CDH13: variants seen among roughly 807,000 people sequenced by gnomAD.
CDH13 encodes cadherin-13.
In CDH13, 24 loss-of-function variants were observed where a neutral mutation model predicts 63.8. The ratio of observed to expected loss-of-function variants is 0.38; its 90% CI spans 0.27 to 0.53. The LOEUF (loss-of-function observed/expected upper bound fraction) is 0.53. Ranked by LOEUF, CDH13 falls within the 20% of genes least tolerant of loss-of-function variation. CDH13 has a pLI of 0.85. For synonymous variants in CDH13, 503 were observed against 355.3 expected (o/e 1.42, Z -4.67); for missense variants, 1,049 against 903.1 (o/e 1.16, Z -2.07).
At chr16:83,619,359 G>A (rs559252447) in intron 8 of CDH13, among the ~76,000 whole-genome samples, 11 of 152,336 alleles carry the variant, frequency 7.2e-5, no homozygotes, top group Admixed American at 1.3e-4. Flanking sequence ...GGGGGACTGC[G>A]AGGGCACTTG....
At chr16:83,299,550 C>T (rs1254449665) in intron 5 of CDH13, among the ~76,000 whole-genome samples, 1 of 152,170 alleles carries the variant, frequency 6.6e-6, no homozygotes, top group East Asian at 1.9e-4. Flanking sequence ...CTCGATTATT[C>T]TTTGTTCATT....
At chr16:83,249,067 T>C (rs1313204630) in intron 5 of CDH13, among the ~76,000 whole-genome samples, 2 of 152,220 alleles carry the variant, frequency 1.3e-5, no homozygotes, top group Non-Finnish European at 2.9e-5. Flanking sequence ...CAGAAATAAC[T>C]TTGAGTAGAG....
intron 11 of CDH13, among the ~76,000 whole-genome samples, chr16:83,756,220 A>G (rs1420267488): frequency 6.6e-6 from 1 of 152,226 alleles, no homozygotes; most frequent in Non-Finnish European, 1.5e-5. Flanking sequence ...ATAGAACAAC[A>G]AGGTGATACA....
chr16:83,342,996 TA>T (rs541244800), intron 5 of CDH13, among the ~76,000 whole-genome samples: 24 of 151,760 alleles, frequency 1.6e-4, no homozygotes, highest in East Asian at 1.9e-4. Flanking sequence ...CATAATAGCT[TA>T]AAAAAAACAT....
At chr16:82,870,695 C>A (rs1456136676) in intron 2 of CDH13, among the ~76,000 whole-genome samples, 1 of 152,132 alleles carries the variant, frequency 6.6e-6, no homozygotes, top group Non-Finnish European at 1.5e-5. Context: ...TACTCAATTA[C>A]TCTGATTTGA....
At chr16:83,575,456 T>G (rs1905022032) in intron 7 of CDH13, among the ~76,000 whole-genome samples, 1 of 152,220 alleles carries the variant, frequency 6.6e-6, no homozygotes, top group African/African-American at 2.4e-5. Flanking sequence ...AATCTGAGCC[T>G]GTCCATAGAT....
intron 2 of CDH13, among the ~76,000 whole-genome samples, chr16:82,915,182 C>T (rs2041949225): frequency 6.6e-6 from 1 of 152,186 alleles, no homozygotes; most frequent in Non-Finnish European, 1.5e-5. Flanking sequence ...ATTGTATGTA[C>T]AATGATCAAA....
intron 1 of CDH13, among the ~76,000 whole-genome samples, chr16:82,810,300 C>G (rs764455892): frequency 3.9e-5 from 6 of 152,168 alleles, no homozygotes; most frequent in Non-Finnish European, 7.4e-5. Flanking sequence ...CCCGTCCTTT[C>G]TCTTTGCTAA....
At chr16:83,596,000 G>A (rs1239869624) in intron 7 of CDH13, among the ~76,000 whole-genome samples, 3 of 152,228 alleles carry the variant, frequency 2.0e-5, no homozygotes, top group African/African-American at 4.8e-5. Flanking sequence ...CGGCAGAGCA[G>A]CACCTTTTGC....
chr16:83,479,439 G>A (rs146416778), intron 6 of CDH13, among the ~76,000 whole-genome samples: 189 of 152,268 alleles, frequency 1.2e-3, no homozygotes, highest in Non-Finnish European at 2.4e-3. Flanking sequence ...GGCAGATCAC[G>A]AGTTCAGGAG....
At chr16:83,275,911 C>T (rs1029512147) in intron 5 of CDH13, among the ~76,000 whole-genome samples, 1 of 152,098 alleles carries the variant, frequency 6.6e-6, no homozygotes, top group East Asian at 1.9e-4. Flanking sequence ...GAAGCACTTT[C>T]GTTTTTATGC....
intron 10 of CDH13, among the ~76,000 whole-genome samples, chr16:83,712,009 G>C (rs1362208422): frequency 6.6e-6 from 1 of 152,206 alleles, no homozygotes; most frequent in African/African-American, 2.4e-5. Flanking sequence ...GTAGATGGCT[G>C]TCTTCTCCCT....
At chr16:83,334,026 C>T (rs1303228326) in intron 5 of CDH13, among the ~76,000 whole-genome samples, 2 of 152,076 alleles carry the variant, frequency 1.3e-5, no homozygotes, top group Non-Finnish European at 2.9e-5. Flanking sequence ...CTCCTGGAAG[C>T]TCTTGGGGAA....
chr16:82,705,129 G>C, intron 1 of CDH13: 2 of 456,024 alleles, frequency 4.4e-6, no homozygotes, highest in Non-Finnish European at 4.4e-6. Flanking sequence ...GCCCGAGATA[G>C]TAACAGTCTT....
intron 5 of CDH13, among the ~76,000 whole-genome samples, chr16:83,343,572 T>C (rs1386723957): frequency 6.6e-6 from 1 of 152,212 alleles, no homozygotes; most frequent in Non-Finnish European, 1.5e-5. Context: ...TGGTTTACAA[T>C]ACCATCAGGT....
intron 3 of CDH13, among the ~76,000 whole-genome samples, chr16:83,055,008 A>G (rs1486843314): frequency 6.6e-6 from 1 of 152,136 alleles, no homozygotes; most frequent in Non-Finnish European, 1.5e-5. Context: ...ACCATTTTAA[A>G]TTTAAAACAG....
chr16:83,756,565 T>A (rs1053992601), intron 11 of CDH13, among the ~76,000 whole-genome samples: 4 of 152,220 alleles, frequency 2.6e-5, no homozygotes, highest in Admixed American at 2.0e-4. Flanking sequence ...GCGCTTTTTT[T>A]ATAGCTCTTC....
intron 1 of CDH13, among the ~76,000 whole-genome samples, chr16:82,636,560 A>G (rs1908680231): frequency 6.6e-6 from 1 of 152,240 alleles, no homozygotes; most frequent in African/African-American, 2.4e-5. Context: ...TATGTCTTAC[A>G]TGAAGCAAAT....
chr16:83,734,024 T>G (rs989659583), intron 10 of CDH13, among the ~76,000 whole-genome samples: 2 of 152,142 alleles, frequency 1.3e-5, no homozygotes, highest in African/African-American at 2.4e-5. Flanking sequence ...TTATTAGTGT[T>G]TAGTCACCAG....
Sources: allele counts gnomAD v4.1 joint callset (sites outside exome capture counted in the v4.1 genomes callset), GRCh38; gene constraint gnomAD v4.1.1; transcripts MANE v1.5; gene names NCBI Gene and HGNC (gene_info 2026-07-23, HGNC 2026-07-21).